MYO10: variants seen among roughly 807,000 people sequenced by gnomAD.
MYO10 encodes the protein unconventional myosin-X.
MYO10 carries 133 observed loss-of-function variants against 257.3 expected under a neutral mutation model. That is an observed-to-expected ratio of 0.52 (90% CI 0.45 to 0.60). The LOEUF (loss-of-function observed/expected upper bound fraction) is 0.60, where lower values mean the gene tolerates loss of function less well. Among genes scored for constraint, MYO10 ranks in the 20% least tolerant of loss-of-function variants. The pLI, the probability that MYO10 is intolerant of heterozygous loss-of-function variation, is 0.00. For missense variants in MYO10, 2,399 were observed against 2,635.7 expected (o/e 0.91, Z 1.97); for synonymous variants, 1,104 against 1,028.6 (o/e 1.07, Z -1.40).
chr5:16,685,217 G>A (rs1172099573), intron 29 of MYO10, among the ~76,000 whole-genome samples: 13 of 151,960 alleles, frequency 8.6e-5, no homozygotes, highest in Non-Finnish European at 8.8e-5. Context: ...TAATTTATTC[G>A]TTTTTGTTGT....
At chr5:16,903,266 G>A (rs148134438) in intron 1 of MYO10, among the ~76,000 whole-genome samples, 53 of 152,312 alleles carry the variant, frequency 3.5e-4, no homozygotes, top group African/African-American at 1.1e-3. Flanking sequence ...TTAGCTGGGC[G>A]TGGTAGCGCA....
intron 19 of MYO10, among the ~76,000 whole-genome samples, chr5:16,753,313 C>T (rs1740434405): frequency 1.3e-5 from 2 of 151,360 alleles, no homozygotes; most frequent in African/African-American, 2.4e-5. Flanking sequence ...ACTACAGGCA[C>T]CTGCCACCAC....
At chr5:16,697,484 A>G (rs538367762) in intron 26 of MYO10, among the ~76,000 whole-genome samples, 2 of 152,208 alleles carry the variant, frequency 1.3e-5, no homozygotes, top group Admixed American at 6.5e-5. Flanking sequence ...GGCAGATCAC[A>G]AGGTTAGGAG....
intron 19 of MYO10, among the ~76,000 whole-genome samples, chr5:16,753,278 T>G (rs1740433307): frequency 6.6e-6 from 1 of 152,062 alleles, no homozygotes; most frequent in African/African-American, 2.4e-5. Context: ...GCAATTCTCC[T>G]GCCTCAGCCT....
chr5:16,678,833 GCC>G (rs914691810), intron 33 of MYO10, among the ~76,000 whole-genome samples: 9 of 152,154 alleles, frequency 5.9e-5, no homozygotes, highest in Non-Finnish European at 1.2e-4. Flanking sequence ...CTCTGTCACA[GCC>G]CCAGCTCTGT....
intron 3 of MYO10, among the ~76,000 whole-genome samples, chr5:16,811,038 C>T (rs1397806394): frequency 2.0e-5 from 3 of 146,676 alleles, no homozygotes; most frequent in African/African-American, 7.7e-5. Context: ...CACTGCACTC[C>T]AGCCTGGGCG....
Position 16,681,878 on chromosome 5 carries a change from G to A in MYO10, c.4182C>T (p.Ile1394=), listed in dbSNP as rs774022527. Residue 1394 remains isoleucine (I), a synonymous_variant, in exon 31 of 41, where the codon ATC becomes ATT. Transcript: ENST00000513610. Reference sequence around the variant, plus strand: ...AGCAGGGCAGGCAGTCACCTCTCACGATGAATTCCTGGCCCTCCACTCTGG... The same window carrying A: ...AGCAGGGCAGGCAGTCACCTCTCACAATGAATTCCTGGCCCTCCACTCTGG... ...GDTRVEGQEF[I]VRGWLHKEVK... is the part of the protein sequence containing the mutation. The A allele has an allele frequency of 8.7e-6, 14 of 1,613,848 alleles. No homozygotes were observed. The highest frequency in any genetic ancestry group is 6.6e-5 in the South Asian group (6 of 91,066).
intron 2 of MYO10, among the ~76,000 whole-genome samples, chr5:16,843,043 C>T (rs1743530834): frequency 6.6e-6 from 1 of 152,020 alleles, no homozygotes; most frequent in African/African-American, 2.4e-5. Context: ...CCTTGGAAAC[C>T]CTGCTATGGT....
intron 3 of MYO10, among the ~76,000 whole-genome samples, chr5:16,816,818 G>A (rs149190648): frequency 0.016 from 2,339 of 150,834 alleles, 28 homozygotes; most frequent in Non-Finnish European, 0.022. Flanking sequence ...GTGAGCCACC[G>A]CACCTGGCCT....
At chr5:16,884,735 T>C (rs1346689516) in intron 1 of MYO10, among the ~76,000 whole-genome samples, 1 of 152,118 alleles carries the variant, frequency 6.6e-6, no homozygotes, top group African/African-American at 2.4e-5. Context: ...TGATTCTTAT[T>C]ACTCAAAGAC....
chr5:16,740,368 A>T (rs1052897532), intron 19 of MYO10, among the ~76,000 whole-genome samples: 9 of 151,476 alleles, frequency 5.9e-5, no homozygotes, highest in African/African-American at 1.9e-4. Context: ...AAAATATCTC[A>T]GTCTGCATGA....
At chr5:16,922,271 G>A (rs1372340568) in intron 1 of MYO10, among the ~76,000 whole-genome samples, 3 of 152,048 alleles carry the variant, frequency 2.0e-5, no homozygotes, top group African/African-American at 4.8e-5. Context: ...AAGGGCACAT[G>A]GGCCCACATC....
At chr5:16,881,272 G>A (rs1744748606) in intron 1 of MYO10, among the ~76,000 whole-genome samples, 1 of 152,180 alleles carries the variant, frequency 6.6e-6, no homozygotes. Context: ...GGATTAATAT[G>A]TACCCTTTTG....
intron 30 of MYO10, among the ~76,000 whole-genome samples, chr5:16,683,665 C>T (rs1737109910): frequency 6.6e-6 from 1 of 152,138 alleles, no homozygotes; most frequent in East Asian, 1.9e-4. Flanking sequence ...CGGTTTTCCC[C>T]AGGACTCCAA....
chr5:16,752,382 A>C (rs906783246), intron 19 of MYO10, among the ~76,000 whole-genome samples: 12 of 152,234 alleles, frequency 7.9e-5, no homozygotes, highest in Admixed American at 7.8e-4. Context: ...TCCCGGGTTC[A>C]AGCAATTCTC....
At chr5:16,871,270 C>T (rs1744449358) in intron 2 of MYO10, among the ~76,000 whole-genome samples, 1 of 152,200 alleles carries the variant, frequency 6.6e-6, no homozygotes, top group South Asian at 2.1e-4. Flanking sequence ...CAAGGACAGG[C>T]TTGATCAAGG....
chr5:16,729,577 G>A (rs1455513853), intron 19 of MYO10, among the ~76,000 whole-genome samples: 3 of 151,088 alleles, frequency 2.0e-5, no homozygotes, highest in Admixed American at 1.3e-4. Context: ...TCAGCCTCCC[G>A]GGTAGCTGGG....
intron 19 of MYO10, among the ~76,000 whole-genome samples, chr5:16,739,990 G>A (rs942126929): frequency 3.9e-5 from 6 of 152,002 alleles, no homozygotes; most frequent in Admixed American, 6.6e-5. Flanking sequence ...AGAACTTGCC[G>A]GAGAAAAAAA....
At chr5:16,761,429 T>C (rs1178948328) in intron 17 of MYO10, 35 bp downstream of exon 17, 2 of 1,499,474 alleles carry the variant, frequency 1.3e-6, no homozygotes, top group African/African-American at 2.8e-5. Flanking sequence ...ATTCATTTGC[T>C]TGCTAAGTAC....
Sources: gnomAD v4.1 joint callset for allele counts (sites outside exome capture counted in the v4.1 genomes callset) on GRCh38, gnomAD v4.1.1 for gene constraint, MANE v1.5 for transcripts, NCBI Gene and HGNC (gene_info 2026-07-23, HGNC 2026-07-21) for gene names.